The following CTIF variants were observed in gnomAD, a reference collection of about 807,000 sequenced individuals.
CTIF encodes cap binding complex dependent translation initiation factor.
In CTIF, 21 loss-of-function variants were observed where a neutral mutation model predicts 66.0. The observed-to-expected ratio is 0.32, with a 90% confidence interval of 0.23 to 0.46. CTIF has a LOEUF of 0.46. Ranked by LOEUF, CTIF falls within the 20% of genes least tolerant of loss-of-function variation. The pLI, the probability that CTIF is intolerant of heterozygous loss-of-function variation, is 1.00. For synonymous variants in CTIF, 345 were observed against 326.4 expected (o/e 1.06, Z -0.62); for missense variants, 739 against 812.7 (o/e 0.91, Z 1.10).
chr18:48,829,818 G>A (rs2068653722), intron 10 of CTIF, among the ~76,000 whole-genome samples: 1 of 152,226 alleles, frequency 6.6e-6, no homozygotes, highest in Non-Finnish European at 1.5e-5. Context: ...CAGCTCTCAG[G>A]ACCTGTAGCT....
intron 1 of CTIF, among the ~76,000 whole-genome samples, chr18:48,574,937 T>C (rs542493283): frequency 6.6e-6 from 1 of 152,324 alleles, no homozygotes; most frequent in South Asian, 2.1e-4. Context: ...TAGCCACATG[T>C]CTACCTCAAG....
intron 3 of CTIF, among the ~76,000 whole-genome samples, chr18:48,657,566 C>G (rs988764201): frequency 6.6e-6 from 1 of 152,122 alleles, no homozygotes; most frequent in African/African-American, 2.4e-5. Flanking sequence ...CCCCGGGGAG[C>G]TCTGCAGTAC....
At chr18:48,557,792 C>T (rs1411089095) in intron 1 of CTIF, among the ~76,000 whole-genome samples, 1 of 152,236 alleles carries the variant, frequency 6.6e-6, no homozygotes, top group Non-Finnish European at 1.5e-5. Flanking sequence ...GACAGCTGCC[C>T]TCTTGCTGGG....
At chr18:48,744,292 A>T (rs1368810078) in intron 7 of CTIF, among the ~76,000 whole-genome samples, 2 of 152,152 alleles carry the variant, frequency 1.3e-5, no homozygotes, top group African/African-American at 4.8e-5. Context: ...TGTCAATTTT[A>T]TTGTATTTCA....
chr18:48,645,677 T>C (rs2091017823), intron 3 of CTIF, among the ~76,000 whole-genome samples: 1 of 152,188 alleles, frequency 6.6e-6, no homozygotes, highest in African/African-American at 2.4e-5. Flanking sequence ...GAGGTGTCCC[T>C]CTCCTTCCTG....
At chr18:48,631,686 A>G (rs1383822937) in intron 2 of CTIF, among the ~76,000 whole-genome samples, 1 of 152,204 alleles carries the variant, frequency 6.6e-6, no homozygotes, top group Non-Finnish European at 1.5e-5. Context: ...TAAGACACGA[A>G]TTTTAATAGC....
chr18:48,632,102 T>G (rs980511812), intron 2 of CTIF, among the ~76,000 whole-genome samples: 9 of 151,992 alleles, frequency 5.9e-5, no homozygotes, highest in Admixed American at 2.6e-4. Context: ...CCAGCAGGGA[T>G]GGGGAGGAAC....
intron 3 of CTIF, among the ~76,000 whole-genome samples, chr18:48,659,650 T>A (rs1017456742): frequency 2.3e-4 from 35 of 152,034 alleles, no homozygotes; most frequent in Non-Finnish European, 8.8e-5. Flanking sequence ...CCGGTCAGTG[T>A]GAGAGTTAAC....
chr18:48,601,147 A>C (rs1456894688), intron 1 of CTIF, among the ~76,000 whole-genome samples: 1 of 152,190 alleles, frequency 6.6e-6, no homozygotes, highest in Non-Finnish European at 1.5e-5. Context: ...CCCGTTCTTT[A>C]TCTAGCTATA....
At chr18:48,619,049 A>G (rs956276270) in intron 1 of CTIF, among the ~76,000 whole-genome samples, 3 of 152,192 alleles carry the variant, frequency 2.0e-5, no homozygotes, top group Non-Finnish European at 1.5e-5. Flanking sequence ...CTGAAAAGAA[A>G]AAGTCTCCTC....
intron 9 of CTIF, among the ~76,000 whole-genome samples, chr18:48,764,522 G>A (rs1909323150): frequency 6.6e-6 from 1 of 152,148 alleles, no homozygotes; most frequent in Non-Finnish European, 1.5e-5. Flanking sequence ...AGAAATGGAT[G>A]TCTGAAAAGG....
chr18:48,671,322 G>A (rs898719758), intron 6 of CTIF, among the ~76,000 whole-genome samples: 6 of 152,156 alleles, frequency 3.9e-5, no homozygotes, highest in Admixed American at 6.5e-5. Context: ...AACAGCAGGA[G>A]TCTAGCTGCT....
rs58765049 is a variant in CTIF at position 48,650,093 on chromosome 18, C to T, written c.252+13408C>T. ...TCTCCTCCAAAGGATTGCAGCTCCTCGCCAGCAATGGAACAAAGCTGGATG... is the reference window on the plus strand; with the variant it reads ...TCTCCTCCAAAGGATTGCAGCTCCTTGCCAGCAATGGAACAAAGCTGGATG... On this transcript the variant is annotated intron_variant, in intron 3 of 11. Transcript: ENST00000256413. Among the ~76,000 whole-genome samples, 823 of 152,332 alleles carry T rather than the reference C, an allele frequency of 5.4e-3. 1 individual carries two copies. The highest frequency in any genetic ancestry group is 1.0e-2 in the African/African-American group (414 of 41,562).
chr18:48,669,982 A>C (rs1362921542), intron 5 of CTIF, among the ~76,000 whole-genome samples: 1 of 151,518 alleles, frequency 6.6e-6, no homozygotes, highest in Non-Finnish European at 1.5e-5. Flanking sequence ...CTCATTTAAC[A>C]AATGAGGAAA....
chr18:48,755,863 A>G (rs1908306194), intron 7 of CTIF: 1 of 152,234 alleles, frequency 6.6e-6, no homozygotes, highest in South Asian at 2.1e-4. Context: ...AACCTTGGAC[A>G]CTGTATATAA....
intron 6 of CTIF, among the ~76,000 whole-genome samples, chr18:48,688,607 G>C (rs1010121560): frequency 6.6e-6 from 1 of 152,182 alleles, no homozygotes; most frequent in Non-Finnish European, 1.5e-5. Context: ...GGAAGGCAAG[G>C]CTCCCAGTGG....
chr18:48,693,596 A>T (rs2091963805), intron 6 of CTIF, among the ~76,000 whole-genome samples: 1 of 152,006 alleles, frequency 6.6e-6, no homozygotes, highest in South Asian at 2.1e-4. Flanking sequence ...GTGGGGAGAG[A>T]GTGTGAGAAG....
At chr18:48,668,351 C>G (rs981631939) in intron 5 of CTIF, among the ~76,000 whole-genome samples, 5 of 152,218 alleles carry the variant, frequency 3.3e-5, no homozygotes, top group African/African-American at 1.2e-4. Flanking sequence ...CCCTCCTCCC[C>G]TATGGCCCAG....
chr18:48,682,947 G>T (rs1486969076), intron 6 of CTIF: 1 of 152,268 alleles, frequency 6.6e-6, no homozygotes, highest in Non-Finnish European at 1.5e-5. Flanking sequence ...GAGATGTGGG[G>T]GCAACCCACC....
Sources: allele counts gnomAD v4.1 joint callset (sites outside exome capture counted in the v4.1 genomes callset), GRCh38; gene constraint gnomAD v4.1.1; transcripts MANE v1.5; gene names NCBI Gene and HGNC (gene_info 2026-07-23, HGNC 2026-07-21).